Variants in SLC9A6 observed in about 807,000 individuals in gnomAD.
The protein encoded by SLC9A6 is solute carrier family 9 member A6, also known as sodium/hydrogen exchanger 6.
A neutral mutation model predicts 45.3 loss-of-function variants in SLC9A6; 6 were observed. That is an observed-to-expected ratio of 0.13 (90% CI 0.07 to 0.26). The LOEUF (loss-of-function observed/expected upper bound fraction) is 0.26. SLC9A6 is among the 10% of genes least tolerant of loss of function. The probability of loss-of-function intolerance (pLI) is 1.00; values close to 1 mark genes in which losing one functional copy is unlikely to be tolerated. For missense variants in SLC9A6, 278 were observed against 503.7 expected, an observed-to-expected ratio of 0.55 and a Z score of 4.29; for synonymous variants, 191 against 187.7, an observed-to-expected ratio of 1.02 and a Z score of -0.14.
chrX:135,997,335 C>T (rs1003200312), intron 3 of SLC9A6, among the ~76,000 whole-genome samples: 8 of 106,301 alleles, frequency 7.5e-5, no homozygotes, highest in Non-Finnish European at 1.4e-4. Context: ...GGATTACAGG[C>T]GTGGGCCACA....
intron 1 of SLC9A6, among the ~76,000 whole-genome samples, chrX:135,977,074 G>A (rs1400210445): frequency 1.8e-5 from 2 of 111,903 alleles, no homozygotes; most frequent in African/African-American, 6.5e-5. Context: ...ACTCATACAT[G>A]GTTCTTTAAG....
At chrX:135,976,003 T>TA (rs2089260560) in intron 1 of SLC9A6, among the ~76,000 whole-genome samples, 3 of 94,292 alleles carry the variant, frequency 3.2e-5, no homozygotes, top group East Asian at 3.4e-4. Context: ...AAAAAAAAAG[T>TA]AGAAGAAGAC....
intron 12 of SLC9A6, among the ~76,000 whole-genome samples, chrX:136,023,170 TA>T: frequency 4.8e-4 from 1 of 2,102 alleles, no homozygotes; most frequent in East Asian, 7.2e-3. Context: ...AATGTATATA[TA>T]TATATATATA....
intron 17 of SLC9A6, among the ~76,000 whole-genome samples, chrX:136,042,332 AC>A (rs1226377779): frequency 9.1e-6 from 1 of 110,071 alleles, no homozygotes; most frequent in Non-Finnish European, 1.9e-5. Context: ...GCACCACCAC[AC>A]CCAGCTCATT....
chrX:135,975,633 G>C (rs2089257217), intron 1 of SLC9A6, among the ~76,000 whole-genome samples: 1 of 112,177 alleles, frequency 8.9e-6, no homozygotes, highest in Admixed American at 9.5e-5. Context: ...AATGACAAAT[G>C]AATTCCGGAA....
chrX:135,983,047 A>C (rs1363194996), upstream of SLC9A6, among the ~76,000 whole-genome samples: 4 of 111,357 alleles, frequency 3.6e-5, no homozygotes, highest in African/African-American at 1.3e-4. Flanking sequence ...GCAAATGTGT[A>C]GGAGTGACCA....
chrX:136,010,257 C>A, intron 7 of SLC9A6, 185 bp from the exon 8 acceptor site: 24 of 249,084 alleles, frequency 9.6e-5, no homozygotes, highest in Non-Finnish European at 1.2e-4. Flanking sequence ...TAAGGGAAAG[C>A]CAAGTTTTCT....
At chrX:136,029,845 G>C (rs990459093) in intron 14 of SLC9A6, 1 of 340,877 alleles carries the variant, frequency 2.9e-6, no homozygotes. Context: ...ATTCCGCTTC[G>C]AGTGGACCTA....
intron 13 of SLC9A6, among the ~76,000 whole-genome samples, chrX:136,028,199 C>T (rs2071261545): frequency 8.9e-6 from 1 of 112,359 alleles, no homozygotes. Context: ...CTTTTAAAAG[C>T]TTTTCATACA....
At chrX:136,002,614 T>C (rs1201885019) in intron 7 of SLC9A6, among the ~76,000 whole-genome samples, 1 of 109,916 alleles carries the variant, frequency 9.1e-6, no homozygotes, top group East Asian at 2.8e-4. Context: ...CAGGCTGGAG[T>C]GCAGTGGCGT....
At chrX:136,031,510 G>A (rs1276981953) in intron 15 of SLC9A6, among the ~76,000 whole-genome samples, 1 of 112,262 alleles carries the variant, frequency 8.9e-6, no homozygotes, top group Non-Finnish European at 1.9e-5. Context: ...GACCAGCCTG[G>A]CCAACATGGT....
intron 3 of SLC9A6, among the ~76,000 whole-genome samples, chrX:135,997,051 C>A (rs1163207280): frequency 2.7e-5 from 3 of 109,713 alleles, no homozygotes; most frequent in African/African-American, 1.0e-4. Context: ...CAGGCTTGAG[C>A]CACCACGCCT....
chrX:135,996,464 G>A (rs2089498532), intron 3 of SLC9A6, among the ~76,000 whole-genome samples: 1 of 111,600 alleles, frequency 9.0e-6, no homozygotes, highest in South Asian at 3.8e-4. Context: ...CGAAGTTTTA[G>A]CATGGGTTTG....
Position 136,016,653 on chromosome X carries a change from G to A in SLC9A6, c.1089G>A (p.Glu363=). 1 of 1,143,186 alleles carries A rather than the reference G, an allele frequency of 8.7e-7. No individual in the cohort carries two copies. The highest frequency in any genetic ancestry group is 1.2e-6 in the Non-Finnish European group (1 of 833,026). 94.2% of individuals were successfully genotyped at this position (1,143,186 alleles called of 1,213,427 possible). A position where few individuals can be genotyped will look rare whatever the true frequency, so the allele number is the denominator to read the frequency against. ...ESQHRTKQLF[E]LLNFLAENFI... is the part of the protein sequence containing the mutation. ...TTACAATTTCGTTTCAGTTGTTTGAGCTTCTCAATTTCTTGGCAGAGAATT... is the reference window on the plus strand; with the variant it reads ...TTACAATTTCGTTTCAGTTGTTTGAACTTCTCAATTTCTTGGCAGAGAATT... Residue 363 remains glutamate (E), a synonymous_variant, in exon 11 of 18, where the codon GAG becomes GAA. Transcript: ENST00000630721.
At chrX:136,032,051 G>A (rs782228004) in intron 15 of SLC9A6, among the ~76,000 whole-genome samples, 6 of 112,108 alleles carry the variant, frequency 5.4e-5, no homozygotes, top group Non-Finnish European at 1.1e-4. Flanking sequence ...GTGCTTGCTT[G>A]CTTATTTATT....
At position 136,044,858 on chromosome X, in the gene SLC9A6, A is replaced by C; in HGVS notation, c.*134A>C. 4 of 564,091 alleles carry C rather than the reference A, an allele frequency of 7.1e-6. No homozygotes were observed. In the South Asian group the frequency reaches 1.1e-4, roughly 16 times the overall value. 46.5% of individuals were successfully genotyped at this position (564,091 alleles called of 1,213,427 possible). A position where few individuals can be genotyped will look rare whatever the true frequency, so the allele number is the denominator to read the frequency against. ...AATGCTATTTATATGGCATAGAAAGAATATAAATATCCTGTACACGGCAGA... is the reference window on the plus strand; with the variant it reads ...AATGCTATTTATATGGCATAGAAAGCATATAAATATCCTGTACACGGCAGA... On this transcript the variant is annotated 3_prime_UTR_variant, in exon 18 of 18. Coordinates refer to ENST00000630721, the MANE Select transcript of SLC9A6 (RefSeq NM_001379110.1).
intron 13 of SLC9A6, among the ~76,000 whole-genome samples, chrX:136,026,685 A>G (rs11095658): frequency 0.073 from 8,097 of 110,270 alleles, 329 homozygotes; most frequent in African/African-American, 0.16. Context: ...ACAGGCATGC[A>G]CCACCACACC....
rs190007371 is a variant in SLC9A6, at chrX:136,038,863, G to A, written c.1662-1213G>A. Among the ~76,000 whole-genome samples the A allele has an allele frequency of 2.1e-4, 23 of 108,445 alleles. No homozygotes were observed. The East Asian group carries it at 6.1e-3, about 29-fold the overall frequency. 94.2% of individuals were successfully genotyped at this position (108,445 alleles called of 115,157 possible). A position where few individuals can be genotyped will look rare whatever the true frequency, so the allele number is the denominator to read the frequency against. On this transcript the variant is annotated intron_variant, in intron 16 of 17. Coordinates refer to ENST00000630721, the MANE Select transcript of SLC9A6 (RefSeq NM_001379110.1). ...CAGTACTACCCATTCAGTACCAGAA[G>A]ATGAAGACCTGGTCATTTCTTTACT... is the stretch of plus-strand genomic sequence containing the variant.
chrX:136,045,919 A>G lies in SLC9A6; in HGVS notation c.*1195A>G, dbSNP rs782714498. On this transcript the variant is annotated 3_prime_UTR_variant, in exon 18 of 18. Coordinates refer to ENST00000630721, the MANE Select transcript of SLC9A6 (RefSeq NM_001379110.1). ...GTCTTCATTTTCATGGTACGTTTTA[A>G]TATTAATTACCTAAGCTGCCATGCA... 3 of 110,876 alleles carry G rather than the reference A, an allele frequency of 2.7e-5. No homozygotes were observed. The highest frequency in any genetic ancestry group is 1.9e-4 in the Admixed American group (2 of 10,426). 9.1% of individuals were successfully genotyped at this position (110,876 alleles called of 1,213,427 possible).
Sources: allele counts gnomAD v4.1 joint callset (sites outside exome capture counted in the v4.1 genomes callset), GRCh38; gene constraint gnomAD v4.1.1; transcripts MANE v1.5; gene names NCBI Gene and HGNC (gene_info 2026-07-23, HGNC 2026-07-21).